PDE4D: variants seen among roughly 807,000 people sequenced by gnomAD.
PDE4D encodes the protein 3',5'-cyclic-AMP phosphodiesterase 4D.
PDE4D carries 24 observed loss-of-function variants against 87.4 expected under a neutral mutation model. The observed-to-expected ratio is 0.27, with a 90% CI of 0.20 to 0.39. The LOEUF (loss-of-function observed/expected upper bound fraction) is 0.39, where lower values mean the gene tolerates loss of function less well. Among genes scored for constraint, PDE4D ranks in the 10% least tolerant of loss-of-function variants. PDE4D has a pLI of 1.00. For synonymous variants in PDE4D, 384 were observed against 383.2 expected (o/e 1.00, Z -0.02); for missense variants, 714 against 1,041.0 (o/e 0.69, Z 4.32).
chr5:59,635,563 T>G (rs999284841), intron 1 of PDE4D, among the ~76,000 whole-genome samples: 1 of 152,224 alleles, frequency 6.6e-6, no homozygotes, highest in Non-Finnish European at 1.5e-5. Flanking sequence ...GCTTCATCCC[T>G]GGGATGCAAG....
At chr5:60,235,299 T>C (rs1486012182) in intron 1 of PDE4D, among the ~76,000 whole-genome samples, 1 of 151,840 alleles carries the variant, frequency 6.6e-6, no homozygotes, top group African/African-American at 2.4e-5. Context: ...AGAAGCATCA[T>C]ATAGTGACCC....
chr5:59,247,145 C>T (rs758400477), intron 1 of PDE4D, among the ~76,000 whole-genome samples: 1 of 152,236 alleles, frequency 6.6e-6, no homozygotes, highest in East Asian at 1.9e-4. Flanking sequence ...GAAATAAATG[C>T]CTCTGCCATG....
intron 2 of PDE4D, among the ~76,000 whole-genome samples, chr5:60,002,426 A>G (rs1764105418): frequency 6.6e-6 from 1 of 152,208 alleles, no homozygotes; most frequent in Non-Finnish European, 1.5e-5. Flanking sequence ...TTATGAGGCC[A>G]GCATTACCAA....
At chr5:59,161,910 T>TG (rs1436794239) in intron 5 of PDE4D, among the ~76,000 whole-genome samples, 2 of 152,084 alleles carry the variant, frequency 1.3e-5, no homozygotes, top group Non-Finnish European at 2.9e-5. Context: ...AGATAATGAG[T>TG]GGGGGTAGAC....
At chr5:59,015,485 AAAG>A (rs1300992571) in intron 6 of PDE4D, among the ~76,000 whole-genome samples, 2 of 152,166 alleles carry the variant, frequency 1.3e-5, no homozygotes, top group Non-Finnish European at 2.9e-5. Flanking sequence ...ACACTTCTCA[AAAG>A]AAGACATTTA....
At chr5:59,674,358 A>G (rs1747717794) in intron 1 of PDE4D, among the ~76,000 whole-genome samples, 1 of 152,144 alleles carries the variant, frequency 6.6e-6, no homozygotes, top group Non-Finnish European at 1.5e-5. Flanking sequence ...TTTCATCTCC[A>G]TACGCCACTA....
chr5:60,250,190 T>C (rs1416304387), intron 1 of PDE4D, among the ~76,000 whole-genome samples: 5 of 152,008 alleles, frequency 3.3e-5, no homozygotes, highest in Non-Finnish European at 7.4e-5. Context: ...TTATAAGTTA[T>C]TACTCATTTT....
intron 1 of PDE4D, among the ~76,000 whole-genome samples, chr5:60,308,828 T>C (rs1455614299): frequency 1.3e-5 from 2 of 152,152 alleles, no homozygotes; most frequent in Admixed American, 1.3e-4. Context: ...TTGAAAATCC[T>C]CCCTGGCTCC....
At chr5:59,058,027 T>C (rs893845658) in intron 5 of PDE4D, among the ~76,000 whole-genome samples, 1 of 152,226 alleles carries the variant, frequency 6.6e-6, no homozygotes, top group Non-Finnish European at 1.5e-5. Flanking sequence ...ATTATGTGTT[T>C]ATTACTAGAC....
chr5:60,354,187 T>C (rs2149934665), intron 1 of PDE4D, among the ~76,000 whole-genome samples: 1 of 152,320 alleles, frequency 6.6e-6, no homozygotes, highest in African/African-American at 2.4e-5. Context: ...AAAGGAGGTA[T>C]ATTTGAATCA....
At chr5:59,568,559 A>C (rs1007438351) in intron 1 of PDE4D, among the ~76,000 whole-genome samples, 1 of 152,132 alleles carries the variant, frequency 6.6e-6, no homozygotes, top group Non-Finnish European at 1.5e-5. Flanking sequence ...ATCCACCTCG[A>C]TCAGGTGATC....
At chr5:59,272,998 T>G (rs755051967) in intron 1 of PDE4D, among the ~76,000 whole-genome samples, 2 of 152,152 alleles carry the variant, frequency 1.3e-5, no homozygotes, top group African/African-American at 4.8e-5. Context: ...TAGACAGATT[T>G]GGAGAAAGTA....
intron 2 of PDE4D, among the ~76,000 whole-genome samples, chr5:60,114,978 A>ATGGC (rs1554162001): frequency 6.4e-4 from 96 of 149,328 alleles, no homozygotes; most frequent in Non-Finnish European, 1.1e-3. Context: ...GGATGGATGG[A>ATGGC]TGGCTAGATA....
chr5:60,126,008 G>C (rs1296627569), intron 2 of PDE4D, among the ~76,000 whole-genome samples: 1 of 152,146 alleles, frequency 6.6e-6, no homozygotes, highest in Non-Finnish European at 1.5e-5. Flanking sequence ...GTTTGAGAAA[G>C]AGAAATAGTT....
At chr5:59,890,877 G>T (rs1750859018) in intron 1 of PDE4D, among the ~76,000 whole-genome samples, 1 of 152,324 alleles carries the variant, frequency 6.6e-6, no homozygotes, top group African/African-American at 2.4e-5. Context: ...TAAAAGCATT[G>T]TTGCTGTTCT....
intron 2 of PDE4D, among the ~76,000 whole-genome samples, chr5:60,010,308 C>T (rs1764907250): frequency 1.3e-5 from 2 of 152,116 alleles, no homozygotes; most frequent in South Asian, 4.1e-4. Flanking sequence ...TGAGATAAAG[C>T]ACATAGTTTG....
intron 1 of PDE4D, among the ~76,000 whole-genome samples, chr5:59,302,785 T>C (rs1371491838): frequency 6.6e-6 from 1 of 152,230 alleles, no homozygotes; most frequent in Non-Finnish European, 1.5e-5. Flanking sequence ...ACTTATTGAC[T>C]GATGGACATT....
At chr5:60,256,204 G>A (rs973068352) in intron 1 of PDE4D, among the ~76,000 whole-genome samples, 1 of 151,794 alleles carries the variant, frequency 6.6e-6, no homozygotes, top group African/African-American at 2.4e-5. Flanking sequence ...GCCAGAAGTT[G>A]GTCTACATGC....
intron 2 of PDE4D, among the ~76,000 whole-genome samples, chr5:60,158,572 TA>T (rs1027664874): frequency 2.6e-4 from 39 of 152,276 alleles, no homozygotes; most frequent in African/African-American, 9.4e-4. Context: ...ATTTTTTATT[TA>T]TTTTTTTGAG....
Sources: gnomAD v4.1 joint callset for allele counts (sites outside exome capture counted in the v4.1 genomes callset) on GRCh38, gnomAD v4.1.1 for gene constraint, MANE v1.5 for transcripts, NCBI Gene and HGNC (gene_info 2026-07-23, HGNC 2026-07-21) for gene names.